Variants in HRC observed in about 807,000 individuals in gnomAD.
HRC encodes the protein histidine rich calcium binding protein.
A neutral mutation model predicts 61.4 loss-of-function variants in HRC; 41 were observed. The ratio of observed to expected loss-of-function variants is 0.67; its 90% CI spans 0.52 to 0.87. HRC has a LOEUF of 0.87. HRC is among the 40% of genes least tolerant of loss of function. The probability of loss-of-function intolerance (pLI) is 0.00; values close to 1 mark genes in which losing one functional copy is unlikely to be tolerated. For missense variants in HRC, 839 were observed against 885.8 expected, an observed-to-expected ratio of 0.95 and a Z score of 0.67; for synonymous variants, 308 against 326.6, an observed-to-expected ratio of 0.94 and a Z score of 0.62.
At position 49,154,848 on chromosome 19, in the gene HRC, C is replaced by T; in HGVS notation, c.390G>A (p.Gln130=). Residue 130 remains glutamine (Q), a synonymous_variant, in exon 1 of 6, where the codon CAG becomes CAA. Coordinates refer to ENST00000252825, the MANE Select transcript of HRC (RefSeq NM_002152.3). ...TCCCGTGGCCTCTGTGCCCACGGGC[C>T]TGCCCACCATGCTCTGCAAAGACCT... ...GEEVFAEHGG[Q]ARGHRGHGSE... 6.2e-7 allele frequency: 1 copy of T among 1,614,164 alleles called. No individual in the cohort carries two copies. The highest frequency in any genetic ancestry group is 8.5e-7 in the Non-Finnish European group (1 of 1,180,014).
intron 5 of HRC, 33 bp from the exon 6 acceptor site, chr19:49,151,365 G>C: frequency 1.9e-6 from 3 of 1,555,752 alleles, no homozygotes; most frequent in South Asian, 2.3e-5. Context: ...TTAGACAGCT[G>C]GTGTTCAAAG....
In HRC at chr19:49,151,538, T is replaced by G. The variant is rs2041359096; in HGVS notation, c.2042A>C (p.Tyr681Ser). 4 of 1,613,794 alleles carry G rather than the reference T, an allele frequency of 2.5e-6. No individual in the cohort carries two copies. Among genetic ancestry groups the G allele is most frequent in the Non-Finnish European group, 3.4e-6 (4 of 1,180,016 alleles). The change falls in exon 5 of 6, where the codon TAT (tyrosine) becomes TCT (serine). Residue 681 changes from tyrosine to serine, a missense_variant. Physicochemically the swap from Tyr to Ser is moderately radical, Grantham distance 144 (BLOSUM62 -2). Coordinates refer to ENST00000252825, the MANE Select transcript of HRC (RefSeq NM_002152.3). ...TTACTGATAAAGGGACGAGGAGAAATAGTCAACGTAGCTTCCTGTGGGACA... is the reference window on the plus strand; with the variant it reads ...TTACTGATAAAGGGACGAGGAGAAAGAGTCAACGTAGCTTCCTGTGGGACA... ...TVCAPGSYVDYFSSSLYQALA... is the reference protein window; with the variant it reads ...TVCAPGSYVDSFSSSLYQALA...
rs1374192770 is a variant in HRC, at chr19:49,154,334, C to T, written c.904G>A (p.Glu302Lys). The change falls in exon 1 of 6, where the codon GAA (glutamate) becomes AAA (lysine). Residue 302 changes from glutamate (E) to lysine (K), a missense_variant. Coordinates refer to ENST00000252825, the MANE Select transcript of HRC (RefSeq NM_002152.3). ...ACATCATCATCATCATTGTCATCTT[C>T]TTCATGGCTTCGGTGCCTGTGGCTG... is the stretch of plus-strand genomic sequence containing the variant. ...DPSHRHRSHEEDDNDDDDVST... is the reference protein window; with the variant it reads ...DPSHRHRSHEKDDNDDDDVST... 6.2e-7 allele frequency: 1 copy of T among 1,613,240 alleles called. No homozygotes were observed. Among genetic ancestry groups the T allele is most frequent in the African/African-American group, 1.3e-5 (1 of 74,600 alleles).
At position 49,154,240 on chromosome 19, in the gene HRC, G is replaced by A; in HGVS notation, c.998C>T (p.Ser333Leu). Residue 333 changes from serine to leucine, a missense_variant, in exon 1 of 6, where the codon TCA (serine) becomes TTA (leucine). Coordinates refer to ENST00000252825, the MANE Select transcript of HRC (RefSeq NM_002152.3). Reference sequence around the variant, plus strand: ...AGGGACATGATGGTGGTGTTCACCTGAGACAGCCTCAACCTCTTCCTTTCT... The same window carrying A: ...AGGGACATGATGGTGGTGTTCACCTAAGACAGCCTCAACCTCTTCCTTTCT... ...DHRKEEVEAV[S>L]GEHHHHVPDH... 3 of 1,613,176 alleles carry A rather than the reference G, an allele frequency of 1.9e-6. No individual in the cohort carries two copies. The highest frequency in any genetic ancestry group is 1.3e-5 in the African/African-American group (1 of 74,706).
chr19:49,152,725 A>C (rs900153914), intron 2 of HRC, among the ~76,000 whole-genome samples: 18 of 151,208 alleles, frequency 1.2e-4, no homozygotes, highest in African/African-American at 4.2e-4. Flanking sequence ...GCGTGCCACC[A>C]CGCCCGGCTA....
At position 49,151,483 on chromosome 19, in the gene HRC, G is replaced by C. The variant is rs375452142; in HGVS notation, c.2063+34C>G. 1.9e-6 allele frequency: 3 copies of C among 1,609,698 alleles called. No individual in the cohort carries two copies. In the African/African-American group the frequency reaches 4.0e-5, roughly 22 times the overall value. On this transcript the variant is annotated intron_variant, in intron 5 of 5. Transcript: ENST00000252825. Reference sequence around the variant, plus strand: ...TAGCGAGACAAGCACTTCTCTAAACGGGGCTTTTACACGCTCCCCTTTTAC... The same window carrying C: ...TAGCGAGACAAGCACTTCTCTAAACCGGGCTTTTACACGCTCCCCTTTTAC...
Position 49,155,268 on chromosome 19 carries a change from G to A in HRC, c.-31C>T. ...CGGACAGGCAGCACTGGCTCCAGCT[G>A]CCTCTGCGGCAATGTGGACAAACGT... On this transcript the variant is annotated 5_prime_UTR_variant, in exon 1 of 6. Coordinates refer to ENST00000252825, the MANE Select transcript of HRC (RefSeq NM_002152.3). The surrounding 1 kb of genome is among the most constrained non-coding windows in gnomAD (Gnocchi z 4.7). The A allele has an allele frequency of 1.3e-6, 2 of 1,556,764 alleles. No individual in the cohort carries two copies. Among genetic ancestry groups the A allele is most frequent in the Non-Finnish European group, 1.7e-6 (2 of 1,159,948 alleles).
chr19:49,154,671 A>G lies in HRC; in HGVS notation c.567T>C (p.Asp189=), dbSNP rs1235201929. The change falls in exon 1 of 6, where the codon GAT becomes GAC. Residue 189 remains aspartate, a synonymous_variant. Transcript: ENST00000252825. ...CCTCCTCCTCCTCTTCTCCTTCATC[A>G]TCTTCCCCATCATGGCCTCGGTGTC... ...RHGHRGHDGE[D]DEGEEEEEEE... 6.9e-6 allele frequency: 11 copies of G among 1,602,184 alleles called. No individual in the cohort carries two copies. Among genetic ancestry groups the G allele is most frequent in the Non-Finnish European group, 8.5e-6 (10 of 1,172,252 alleles).
At position 49,154,058 on chromosome 19, in the gene HRC, G is replaced by T. The variant is rs1222748333; in HGVS notation, c.1180C>A (p.His394Asn). The T allele has an allele frequency of 1.5e-5, 24 of 1,614,140 alleles. No homozygotes were observed. Among genetic ancestry groups the T allele is most frequent in the Non-Finnish European group, 2.0e-5 (24 of 1,180,038 alleles). The change falls in exon 1 of 6, where the codon CAC (histidine) becomes AAC (asparagine). Residue 394 changes from histidine (H) to asparagine (N), a missense_variant. By Grantham distance (68) the His-to-Asn change is moderately conservative. Transcript: ENST00000252825. ...TCACTCTTGTGGCCTCGAGGTTGGT[G>T]GCTTGCAACATAGTGGCCGAACTGG... ...TVQFGHYVAS[H>N]QPRGHKSDEE...
At chr19:49,152,120 G>C in intron 3 of HRC, 62 bp from the exon 4 acceptor site, 1 of 1,493,678 alleles carries the variant, frequency 6.7e-7, no homozygotes, top group Non-Finnish European at 9.3e-7. Context: ...GAGTTAGGAT[G>C]GGGCCGGGAC....
Position 49,153,712 on chromosome 19 carries a change from G to C in HRC, c.1526C>G (p.Thr509Ser), listed in dbSNP as rs2041384834. 2 of 1,613,666 alleles carry C rather than the reference G, an allele frequency of 1.2e-6. No individual in the cohort carries two copies. Among genetic ancestry groups the C allele is most frequent in the Non-Finnish European group, 1.7e-6 (2 of 1,179,930 alleles). ...DESSEQGEKG[T>S]HHGSRDQEDE... ...TTCCTGGTCCCGGCTGCCATGATGGGTGCCTTTCTCTCCCTGCTCTGAACT... is the reference window on the plus strand; with the variant it reads ...TTCCTGGTCCCGGCTGCCATGATGGCTGCCTTTCTCTCCCTGCTCTGAACT... The change falls in exon 1 of 6, where the codon ACC (threonine) becomes AGC (serine). Residue 509 changes from threonine (T) to serine (S), a missense_variant. Thr to Ser is a moderately conservative substitution (Grantham distance 58). Transcript: ENST00000252825. The surrounding 1 kb of genome is among the most constrained non-coding windows in gnomAD (Gnocchi z 4.8).
intron 2 of HRC, 92 bp from the exon 3 acceptor site, chr19:49,152,470 C>G: frequency 2.1e-6 from 2 of 952,124 alleles, no homozygotes; most frequent in Non-Finnish European, 3.2e-6. Flanking sequence ...GGACGCTTCC[C>G]CAGACTCTAC....
Position 49,151,324 on chromosome 19 carries a change from G to GTTT in HRC, c.2071_2072insAAA (p.Ala691delinsGluThr). The GTTT allele has an allele frequency of 6.4e-7, 1 of 1,558,114 alleles. No individual in the cohort carries two copies. Among genetic ancestry groups the GTTT allele is most frequent in the Non-Finnish European group, 8.7e-7 (1 of 1,149,342 alleles). On this transcript the variant is annotated protein_altering_variant, in exon 6 of 6. Transcript: ENST00000252825. Reference sequence around the variant, plus strand: ...GGGTTCCGGCGTTTCCAGCATGTCTGCCAGGGCCCTGGAGACGAGAACGCC... The same window carrying GTTT: ...GGGTTCCGGCGTTTCCAGCATGTCTGTTTCCAGGGCCCTGGAGACGAGAACGCC...
Position 49,153,617 on chromosome 19 carries a change from CCTT to C in HRC, c.1618_1620del (p.Lys540del), listed in dbSNP as rs1263081118. The C allele has an allele frequency of 2.6e-6, 4 of 1,541,188 alleles. No homozygotes were observed. The highest frequency in any genetic ancestry group is 1.1e-5 in the South Asian group (1 of 88,512). The stretch of plus-strand genomic sequence containing the variant: ...TCGTCTTCTTCCTCCTCCTCCTCCT[CCTT>C]GTCTTCCTCTTCTTCCTCCTCCTGG... On this transcript the variant is annotated inframe_deletion, in exon 1 of 6. Transcript: ENST00000252825. This position sits in a 1 kb window ranked among gnomAD's most constrained non-coding sequence, Gnocchi z 4.8.
intron 2 of HRC, among the ~76,000 whole-genome samples, chr19:49,152,736 AT>A (rs58966504): frequency 0.033 from 5,076 of 151,566 alleles, 301 homozygotes; most frequent in African/African-American, 0.12. Flanking sequence ...CGCCCGGCTA[AT>A]TTTTTTGTAT....
intron 2 of HRC, 141 bp from the exon 3 acceptor site, chr19:49,152,519 C>A (rs555768582): frequency 1.2e-4 from 66 of 572,364 alleles, no homozygotes; most frequent in Admixed American, 2.4e-4. Context: ...ATCTGCCCCC[C>A]AAACCAGCCT....
At position 49,154,548 on chromosome 19, in the gene HRC, T is replaced by G; in HGVS notation, c.690A>C (p.Gly230=). Residue 230 remains glycine (G), a synonymous_variant, in exon 1 of 6, where the codon GGA becomes GGC. Coordinates refer to ENST00000252825, the MANE Select transcript of HRC (RefSeq NM_002152.3). ...TGTGGCTGGGGCCATGATGATGGTG[T>G]CCATCTGAGACATCCTCATCCTCTT... The part of the protein sequence containing the change: ...GSEEDEDVSD[G]HHHHGPSHRH... The G allele has an allele frequency of 6.2e-7, 1 of 1,612,330 alleles. No homozygotes were observed. Among genetic ancestry groups the G allele is most frequent in the South Asian group, 1.1e-5 (1 of 90,888 alleles).
Position 49,154,935 on chromosome 19 carries a change from G to T in HRC, c.303C>A (p.His101Gln). 1 of 1,614,164 alleles carries T rather than the reference G, an allele frequency of 6.2e-7. No homozygotes were observed. Among genetic ancestry groups the T allele is most frequent in the Non-Finnish European group, 8.5e-7 (1 of 1,180,014 alleles). ...CTTGGGACCTGTGGCCTGGGAGTAG[G>T]TGCCCATATTCCTTGGAGACATCTT... is the stretch of plus-strand genomic sequence containing the variant. ...EDEDVSKEYG[H>Q]LLPGHRSQDH... The change falls in exon 1 of 6, where the codon CAC becomes CAA. Residue 101 changes from histidine to glutamine, a missense_variant. His to Gln is a conservative substitution (Grantham distance 24). Coordinates refer to ENST00000252825, the MANE Select transcript of HRC (RefSeq NM_002152.3).
At chr19:49,152,124 C>T in intron 3 of HRC, 66 bp from the exon 4 acceptor site, 1 of 1,458,768 alleles carries the variant, frequency 6.9e-7, no homozygotes, top group Non-Finnish European at 9.6e-7. Context: ...TAGGATGGGG[C>T]CGGGACCAGA....
Sources: allele counts gnomAD v4.1 joint callset (sites outside exome capture counted in the v4.1 genomes callset), GRCh38; gene constraint gnomAD v4.1.1; non-coding constraint Gnocchi (gnomAD v3.1); transcripts MANE v1.5; gene names NCBI Gene and HGNC (gene_info 2026-07-23, HGNC 2026-07-21).